The following SMURF1 variants were observed in gnomAD, a reference collection of about 807,000 sequenced individuals.
The protein encoded by SMURF1 is E3 ubiquitin-protein ligase SMURF1.
In SMURF1, 44 loss-of-function variants were observed where a neutral mutation model predicts 98.0. The ratio of observed to expected loss-of-function variants is 0.45; its 90% CI spans 0.35 to 0.58. The LOEUF (loss-of-function observed/expected upper bound fraction) is 0.58, where lower values mean the gene tolerates loss of function less well. SMURF1 is among the 20% of genes least tolerant of loss of function. The pLI is 0.00. For missense variants in SMURF1, 687 were observed against 938.4 expected, an observed-to-expected ratio of 0.73 and a Z score of 3.50; for synonymous variants, 396 against 374.9, an observed-to-expected ratio of 1.06 and a Z score of -0.65.
chr7:99,121,541 TC>T (rs886959079), intron 1 of SMURF1, among the ~76,000 whole-genome samples: 47 of 152,222 alleles, frequency 3.1e-4, no homozygotes, highest in African/African-American at 1.1e-3. Flanking sequence ...AACACTCGCA[TC>T]CTCCTCTTCT....
intron 1 of SMURF1, among the ~76,000 whole-genome samples, chr7:99,092,330 C>T (rs548208847): frequency 1.2e-4 from 18 of 152,244 alleles, no homozygotes; most frequent in Admixed American, 5.9e-4. Flanking sequence ...TCTAGTCTTT[C>T]GAGTATGGCT....
chr7:99,143,241 A>T (rs1584228038), intron 1 of SMURF1, among the ~76,000 whole-genome samples: 1 of 43,872 alleles, frequency 2.3e-5, no homozygotes, highest in Non-Finnish European at 4.3e-5. Flanking sequence ...ACAGGGATGG[A>T]GGTGAAAGGC....
intron 1 of SMURF1, among the ~76,000 whole-genome samples, chr7:99,095,272 G>A (rs572975730): frequency 6.6e-6 from 1 of 152,034 alleles, no homozygotes; most frequent in Admixed American, 6.6e-5. Context: ...TAGAGACGGG[G>A]TTTCACCATG....
intron 8 of SMURF1, chr7:99,051,018 G>C: frequency 6.5e-7 from 1 of 1,533,374 alleles, no homozygotes; most frequent in South Asian, 1.2e-5. Flanking sequence ...CAGTAAAGTA[G>C]AAGAGAGAAA....
intron 1 of SMURF1, among the ~76,000 whole-genome samples, chr7:99,126,669 AAAAAAATT>A (rs1797753510): frequency 6.6e-6 from 1 of 152,226 alleles, no homozygotes; most frequent in Non-Finnish European, 1.5e-5. Flanking sequence ...AAATAAATTT[AAAAAAATT>A]AAAAAGTTTA....
chr7:99,034,827 C>A lies in SMURF1; in HGVS notation c.2011+688G>T, dbSNP rs151221286. ...CCAAAGCCGACTGAAATGGAATTAACCTCATTTTACTCAGCGAGGCAGAGG... is the reference window on the plus strand; with the variant it reads ...CCAAAGCCGACTGAAATGGAATTAAACTCATTTTACTCAGCGAGGCAGAGG... On this transcript the variant is annotated intron_variant, in intron 16 of 17. Coordinates refer to ENST00000361368, the MANE Select transcript of SMURF1 (RefSeq NM_181349.3). 3.3e-3 allele frequency among the ~76,000 whole-genome samples: 501 copies of A among 152,294 alleles called. 2 individuals carry two copies. The highest frequency in any genetic ancestry group is 0.011 in the African/African-American group (467 of 41,558).
chr7:99,067,969 T>G (rs1263548411), intron 1 of SMURF1, among the ~76,000 whole-genome samples: 1 of 152,122 alleles, frequency 6.6e-6, no homozygotes, highest in Non-Finnish European at 1.5e-5. Context: ...AAAAAAATAC[T>G]ACTTGTGGTT....
rs1224317562 is a variant in SMURF1 at position 99,030,277 on chromosome 7, T to C, written c.*307A>G. 1.2e-5 allele frequency: 4 copies of C among 321,212 alleles called. No homozygotes were observed. The highest frequency in any genetic ancestry group is 6.2e-5 in the East Asian group (1 of 16,098). The allele number at this position is 321,212 out of a possible 1,614,324, so 19.9% of individuals were successfully genotyped here. On this transcript the variant is annotated 3_prime_UTR_variant, in exon 18 of 18. Coordinates refer to ENST00000361368, the MANE Select transcript of SMURF1 (RefSeq NM_181349.3). ...AAAGAGCTCAGGGCTGTGAGCCTTA[T>C]CACCACATGGGTTGCAACACAGCAG...
At chr7:99,084,673 G>A (rs778918297) in intron 1 of SMURF1, among the ~76,000 whole-genome samples, 11 of 152,034 alleles carry the variant, frequency 7.2e-5, no homozygotes, top group African/African-American at 2.2e-4. Flanking sequence ...GTGAGCCACC[G>A]CACCCAGCCG....
Position 99,038,543 on chromosome 7 carries a change from A to G in SMURF1, c.1551-18T>C. On this transcript the variant is annotated intron_variant, in intron 13 of 17. Transcript: ENST00000361368. ...CGTTCTCTCTGTTGAAATAAGACAGAAGGATGTAGGTTAGAACTCTGCCAC... is the reference window on the plus strand; with the variant it reads ...CGTTCTCTCTGTTGAAATAAGACAGGAGGATGTAGGTTAGAACTCTGCCAC... 1 of 1,612,708 alleles carries G rather than the reference A, an allele frequency of 6.2e-7. No homozygotes were observed. Among genetic ancestry groups the G allele is most frequent in the Non-Finnish European group, 8.5e-7 (1 of 1,179,296 alleles).
At chr7:99,084,424 C>A (rs1445256078) in intron 1 of SMURF1, among the ~76,000 whole-genome samples, 2 of 152,084 alleles carry the variant, frequency 1.3e-5, no homozygotes, top group African/African-American at 2.4e-5. Flanking sequence ...CTAACAAGTT[C>A]TTGGATAAAA....
intron 8 of SMURF1, chr7:99,050,964 C>T (rs1487451691): frequency 1.3e-6 from 2 of 1,551,244 alleles, no homozygotes; most frequent in Admixed American, 2.0e-5. Context: ...AGAAAAGCTG[C>T]ATCTCCCCCA....
chr7:99,070,018 G>A (rs1796282286), intron 1 of SMURF1, among the ~76,000 whole-genome samples: 1 of 152,196 alleles, frequency 6.6e-6, no homozygotes, highest in Admixed American at 6.5e-5. Flanking sequence ...CAGTCCTGAG[G>A]TAAGTTTTCA....
intron 7 of SMURF1, 42 bp downstream of exon 7, chr7:99,052,163 C>G (rs1216168219): frequency 1.1e-5 from 16 of 1,461,802 alleles, no homozygotes; most frequent in Non-Finnish European, 1.4e-5. Context: ...CTCATGGAAA[C>G]AGGGCAGATG....
chr7:99,057,832 G>A (rs914280174), intron 3 of SMURF1, among the ~76,000 whole-genome samples: 7 of 152,006 alleles, frequency 4.6e-5, no homozygotes, highest in African/African-American at 7.2e-5. Context: ...CCTAACCTCA[G>A]GTGATCCACC....
At chr7:99,040,307 G>GCA in intron 13 of SMURF1, 71 bp downstream of exon 13, 1 of 1,297,464 alleles carries the variant, frequency 7.7e-7, no homozygotes, top group Non-Finnish European at 1.0e-6. Context: ...GCGCGCGCGC[G>GCA]CACGCGCATA....
At chr7:99,137,890 T>G (rs904528765) in intron 1 of SMURF1, among the ~76,000 whole-genome samples, 1 of 152,232 alleles carries the variant, frequency 6.6e-6, no homozygotes, top group African/African-American at 2.4e-5. Context: ...AAAACAGTAA[T>G]AGTGACATTT....
chr7:99,097,531 TG>T (rs1296946888), intron 1 of SMURF1, among the ~76,000 whole-genome samples: 2 of 152,178 alleles, frequency 1.3e-5, no homozygotes, highest in Non-Finnish European at 2.9e-5. Flanking sequence ...CTCTCACACA[TG>T]TTCTCTTGCC....
chr7:99,060,378 C>CAAAAAAAAA (rs11340949), intron 3 of SMURF1, among the ~76,000 whole-genome samples: 2 of 92,486 alleles, frequency 2.2e-5, no homozygotes, highest in African/African-American at 1.0e-4. Context: ...GACTCCGTCT[C>CAAAAAAAAA]AAAAAAAAAA....
Sources: gnomAD v4.1 joint callset for allele counts (sites outside exome capture counted in the v4.1 genomes callset) on GRCh38, gnomAD v4.1.1 for gene constraint, MANE v1.5 for transcripts, NCBI Gene and HGNC (gene_info 2026-07-23, HGNC 2026-07-21) for gene names.